PGBD5: variants seen among roughly 807,000 people sequenced by gnomAD.
PGBD5 encodes piggyBac transposable element-derived protein 5.
In PGBD5, 14 loss-of-function variants were observed where a neutral mutation model predicts 47.9. The observed-to-expected ratio is 0.29, with a 90% CI of 0.19 to 0.46. The LOEUF is 0.46. PGBD5 is among the 20% of genes least tolerant of loss of function. The pLI is 1.00. For synonymous variants in PGBD5, 316 were observed against 306.3 expected, an observed-to-expected ratio of 1.03 and a Z score of -0.33; for missense variants, 635 against 716.0, an observed-to-expected ratio of 0.89 and a Z score of 1.29.
At chr1:230,400,754 T>C (rs1657118146) in intron 1 of PGBD5, among the ~76,000 whole-genome samples, 1 of 152,202 alleles carries the variant, frequency 6.6e-6, no homozygotes, top group South Asian at 2.1e-4. Context: ...CTGAGGTGTG[T>C]GGATCACTCA....
At position 230,323,098 on chromosome 1, in the gene PGBD5, G is replaced by T; in HGVS notation, c.*327C>A. The stretch of plus-strand genomic sequence containing the variant: ...GCGTGCTCCAGCTCATTCTACCACG[G>T]GGGCCTTCCTTCACAGTCACCAGTC... On this transcript the variant is annotated 3_prime_UTR_variant, in exon 7 of 7. Coordinates refer to ENST00000391860, the MANE Select transcript of PGBD5 (RefSeq NM_001258311.2). This position sits in a 1 kb window ranked among gnomAD's most constrained non-coding sequence, Gnocchi z 4.1. 3.4e-6 allele frequency: 1 copy of T among 297,838 alleles called. No homozygotes were observed. Among genetic ancestry groups the T allele is most frequent in the Non-Finnish European group, 6.3e-6 (1 of 159,278 alleles). The allele number at this position is 297,838 out of a possible 1,614,324, so 18.4% of individuals were successfully genotyped here.
intron 1 of PGBD5, among the ~76,000 whole-genome samples, chr1:230,370,606 C>A (rs1667914395): frequency 6.6e-6 from 1 of 152,174 alleles, no homozygotes; most frequent in Non-Finnish European, 1.5e-5. Flanking sequence ...GAAACTGAGT[C>A]AGAGAGGTTA....
intron 4 of PGBD5, among the ~76,000 whole-genome samples, chr1:230,334,178 G>A (rs1667266416): frequency 6.6e-6 from 1 of 152,252 alleles, no homozygotes; most frequent in African/African-American, 2.4e-5. Flanking sequence ...CAGGTGGGAA[G>A]GAAGATGCAC....
intron 3 of PGBD5, among the ~76,000 whole-genome samples, chr1:230,342,469 G>A (rs1667420010): frequency 6.6e-6 from 1 of 152,246 alleles, no homozygotes; most frequent in South Asian, 2.1e-4. Context: ...CAGCACAGCA[G>A]TGCACGATCT....
At chr1:230,341,200 C>T (rs1667403717) in intron 3 of PGBD5, among the ~76,000 whole-genome samples, 1 of 152,012 alleles carries the variant, frequency 6.6e-6, no homozygotes, top group African/African-American at 2.4e-5. Flanking sequence ...AAGAGGTAAC[C>T]TTGAAAGTCT....
chr1:230,386,480 T>TA (rs1028346026), intron 1 of PGBD5, among the ~76,000 whole-genome samples: 3 of 152,218 alleles, frequency 2.0e-5, no homozygotes, highest in Non-Finnish European at 4.4e-5. Context: ...ATGCTCTTCT[T>TA]AAGAGCGTTT....
chr1:230,385,134 TCA>T (rs536935692), intron 1 of PGBD5, among the ~76,000 whole-genome samples: 115 of 152,270 alleles, frequency 7.6e-4, no homozygotes, highest in African/African-American at 2.7e-3. Flanking sequence ...GGCTGAAATT[TCA>T]GTCTCGCGCA....
intron 1 of PGBD5, among the ~76,000 whole-genome samples, chr1:230,414,323 T>C (rs1657472622): frequency 6.6e-6 from 1 of 152,104 alleles, no homozygotes; most frequent in African/African-American, 2.4e-5. Context: ...CTTCCCTCCT[T>C]CCCACCAAAG....
At chr1:230,360,842 G>T (rs1314526312) in intron 1 of PGBD5, among the ~76,000 whole-genome samples, 1 of 152,188 alleles carries the variant, frequency 6.6e-6, no homozygotes, top group East Asian at 1.9e-4. Context: ...GGCATGGGCA[G>T]CACCCCCAGC....
chr1:230,420,256 T>G (rs940471053), intron 1 of PGBD5, among the ~76,000 whole-genome samples: 1 of 152,236 alleles, frequency 6.6e-6, no homozygotes. Context: ...TAGAGTATTA[T>G]AGATTCAGTG....
At chr1:230,346,784 A>C (rs943961547) in intron 3 of PGBD5, among the ~76,000 whole-genome samples, 5 of 152,090 alleles carry the variant, frequency 3.3e-5, no homozygotes, top group Admixed American at 6.5e-5. Context: ...ACGTACAGAC[A>C]CACCTCCGGT....
chr1:230,328,425 C>A (rs1159510959), intron 5 of PGBD5, among the ~76,000 whole-genome samples: 1 of 152,164 alleles, frequency 6.6e-6, no homozygotes, highest in Non-Finnish European at 1.5e-5. Context: ...GAGGTAGTAC[C>A]CCAGCTGAAA....
chr1:230,344,293 A>G (rs995780566), intron 3 of PGBD5, among the ~76,000 whole-genome samples: 1 of 152,186 alleles, frequency 6.6e-6, no homozygotes. Flanking sequence ...TCCAAAAAAA[A>G]AAAAGAAGGT....
In PGBD5 at chr1:230,337,266, C is replaced by G. The variant is rs1033952600; in HGVS notation, c.917G>C (p.Gly306Ala). 3 of 1,612,686 alleles carry G rather than the reference C, an allele frequency of 1.9e-6. No individual in the cohort carries two copies. In the African/African-American group the frequency reaches 4.0e-5, roughly 22 times the overall value. ...IIQIYVHLKE[G>A]GGPDGLDALK... The stretch of plus-strand genomic sequence containing the variant: ...CGCATCCAGGCCATCTGGGCCCCCA[C>G]CTTCCTTCAGGTGGACATAAATCTT... Residue 306 changes from glycine (G) to alanine (A), a missense_variant, in exon 4 of 7, where the codon GGT becomes GCT. Gly to Ala is a moderately conservative substitution (Grantham distance 60). Coordinates refer to ENST00000391860, the MANE Select transcript of PGBD5 (RefSeq NM_001258311.2).
chr1:230,325,703 C>T (rs1454364255), intron 5 of PGBD5, among the ~76,000 whole-genome samples: 1 of 152,066 alleles, frequency 6.6e-6, no homozygotes, highest in African/African-American at 2.4e-5. Flanking sequence ...CCTGAAGGGG[C>T]TCTAAGCAGC....
intron 1 of PGBD5, among the ~76,000 whole-genome samples, chr1:230,420,681 A>G (rs1256748885): frequency 1.3e-5 from 2 of 152,110 alleles, no homozygotes; most frequent in Non-Finnish European, 2.9e-5. Flanking sequence ...CTTGCCTTCC[A>G]CCATGATTGT....
At chr1:230,392,299 T>C (rs1177893285) in intron 1 of PGBD5, among the ~76,000 whole-genome samples, 1 of 152,028 alleles carries the variant, frequency 6.6e-6, no homozygotes, top group Non-Finnish European at 1.5e-5. Flanking sequence ...CCCTCCAGGA[T>C]AAGAGGATGC....
At chr1:230,396,734 G>A (rs1185567837) in intron 1 of PGBD5, among the ~76,000 whole-genome samples, 3 of 151,904 alleles carry the variant, frequency 2.0e-5, no homozygotes, top group Admixed American at 6.6e-5. Flanking sequence ...AAACAACACC[G>A]TGTACTGACA....
intron 3 of PGBD5, among the ~76,000 whole-genome samples, chr1:230,347,564 C>T (rs1045639260): frequency 2.0e-5 from 3 of 147,792 alleles, no homozygotes; most frequent in Non-Finnish European, 4.4e-5. Context: ...ACTGCAACCT[C>T]CGCCTCCCAG....
Sources: gnomAD v4.1 joint callset for allele counts (sites outside exome capture counted in the v4.1 genomes callset) on GRCh38, gnomAD v4.1.1 for gene constraint, Gnocchi (gnomAD v3.1) non-coding constraint, MANE v1.5 for transcripts, NCBI Gene and HGNC (gene_info 2026-07-23, HGNC 2026-07-21) for gene names.